Variants in PRDM5 observed in about 807,000 individuals in gnomAD.
PRDM5 encodes the protein PR/SET domain 5.
A neutral mutation model predicts 81.2 loss-of-function variants in PRDM5; 56 were observed. That is an observed-to-expected ratio of 0.69 (90% confidence interval 0.56 to 0.86). PRDM5 has a LOEUF of 0.86. PRDM5 is among the 40% of genes least tolerant of loss of function. The probability of loss-of-function intolerance (pLI) is 0.00; values close to 1 mark genes in which losing one functional copy is unlikely to be tolerated. For missense variants in PRDM5, 697 were observed against 770.1 expected (o/e 0.91, Z 1.12); for synonymous variants, 267 against 256.4 (o/e 1.04, Z -0.39).
At chr4:120,746,532 C>T (rs1578570774) in intron 14 of PRDM5, among the ~76,000 whole-genome samples, 1 of 134,236 alleles carries the variant, frequency 7.4e-6, no homozygotes, top group South Asian at 2.4e-4. Context: ...GCAACCTACT[C>T]ATCTGACAAA....
intron 8 of PRDM5, among the ~76,000 whole-genome samples, chr4:120,804,738 A>G (rs1346034496): frequency 1.3e-5 from 2 of 152,226 alleles, no homozygotes; most frequent in Admixed American, 6.5e-5. Flanking sequence ...AATGCCCACA[A>G]GAGAAAGCAG....
chr4:120,847,230 T>C (rs753656119), intron 3 of PRDM5, among the ~76,000 whole-genome samples: 1 of 152,156 alleles, frequency 6.6e-6, no homozygotes, highest in Non-Finnish European at 1.5e-5. Context: ...GGTTGGCCTG[T>C]GTGACTAATA....
intron 3 of PRDM5, among the ~76,000 whole-genome samples, chr4:120,852,329 A>G (rs987811938): frequency 1.3e-5 from 2 of 152,130 alleles, no homozygotes; most frequent in Non-Finnish European, 2.9e-5. Flanking sequence ...GTGTTTCTGT[A>G]AGGGTGTTTT....
intron 2 of PRDM5, among the ~76,000 whole-genome samples, chr4:120,874,546 ACT>A (rs1762153355): frequency 6.6e-6 from 1 of 152,128 alleles, no homozygotes; most frequent in Non-Finnish European, 1.5e-5. Context: ...CCTGAAAAAA[ACT>A]CTTAGTTCAC....
intron 14 of PRDM5, among the ~76,000 whole-genome samples, chr4:120,724,715 T>TA (rs1265164378): frequency 3.3e-5 from 5 of 151,954 alleles, no homozygotes; most frequent in African/African-American, 7.3e-5. Flanking sequence ...TATCTAATTC[T>TA]AAAAAAAACA....
At chr4:120,689,396 C>A (rs1232110475), downstream of PRDM5, among the ~76,000 whole-genome samples, 1 of 151,998 alleles carries the variant, frequency 6.6e-6, no homozygotes, top group Non-Finnish European at 1.5e-5. Flanking sequence ...TTGTACTTGA[C>A]CCTGCTTTAT....
chr4:120,693,510 T>C lies in PRDM5; in HGVS notation c.*1601A>G, dbSNP rs1734216368. The stretch of plus-strand genomic sequence containing the variant: ...AGATTCAAAATACTACATATAACTA[T>C]ACTTAAATATCTTCTAAACTATAAT... On this transcript the variant is annotated 3_prime_UTR_variant, in exon 16 of 16. Transcript: ENST00000264808. 1 of 152,150 alleles carries C rather than the reference T, an allele frequency of 6.6e-6. No homozygotes were observed. The highest frequency in any genetic ancestry group is 2.4e-5 in the African/African-American group (1 of 41,452). 9.4% of individuals were successfully genotyped at this position (152,150 alleles called of 1,614,324 possible).
At chr4:120,740,311 C>T (rs1263329785) in intron 14 of PRDM5, among the ~76,000 whole-genome samples, 1 of 152,152 alleles carries the variant, frequency 6.6e-6, no homozygotes, top group Non-Finnish European at 1.5e-5. Flanking sequence ...AAATTTTCTC[C>T]ATATTCATAA....
At chr4:120,848,542 C>A (rs943170217) in intron 3 of PRDM5, among the ~76,000 whole-genome samples, 1 of 152,124 alleles carries the variant, frequency 6.6e-6, no homozygotes, top group African/African-American at 2.4e-5. Flanking sequence ...CTTTCTCATA[C>A]AGTCACAGTA....
chr4:120,796,019 A>G (rs767864688), intron 10 of PRDM5, among the ~76,000 whole-genome samples: 3 of 152,196 alleles, frequency 2.0e-5, no homozygotes, highest in Non-Finnish European at 2.9e-5. Context: ...AATAACTCAA[A>G]TAAGTATAAT....
intron 13 of PRDM5, among the ~76,000 whole-genome samples, chr4:120,755,136 A>G (rs1284792927): frequency 6.6e-6 from 1 of 152,242 alleles, no homozygotes; most frequent in Admixed American, 6.5e-5. Flanking sequence ...TATGTTCAAA[A>G]GGACCATTGG....
Position 120,922,660 on chromosome 4 carries a change from G to A in PRDM5, c.-52C>T, listed in dbSNP as rs1261983604. 4 of 1,560,016 alleles carry A rather than the reference G, an allele frequency of 2.6e-6. No homozygotes were observed. Among genetic ancestry groups the A allele is most frequent in the Non-Finnish European group, 3.5e-6 (4 of 1,151,794 alleles). On this transcript the variant is annotated 5_prime_UTR_variant, in exon 1 of 16. Coordinates refer to ENST00000264808, the MANE Select transcript of PRDM5 (RefSeq NM_018699.4). ...CTCTCAACACCGGCGCTTAGCGCCC[G>A]GCAGGCGGCACATCGAAATTTGGGG...
At chr4:120,886,676 T>G (rs1490020462) in intron 2 of PRDM5, among the ~76,000 whole-genome samples, 1 of 152,218 alleles carries the variant, frequency 6.6e-6, no homozygotes, top group Non-Finnish European at 1.5e-5. Flanking sequence ...TTATTCAATA[T>G]GAATGATTTG....
In PRDM5 at chr4:120,853,947, C is replaced by T. The variant is rs1310184108; in HGVS notation, c.178-407G>A. Reference sequence around the variant, plus strand: ...CCAGTTGAGAGGGGTAGAACTGGAGCAATCATTTCAATTCCTCTCTGGACC... The same window carrying T: ...CCAGTTGAGAGGGGTAGAACTGGAGTAATCATTTCAATTCCTCTCTGGACC... On this transcript the variant is annotated intron_variant, in intron 2 of 15. Transcript: ENST00000264808. Among the ~76,000 whole-genome samples the T allele has an allele frequency of 2.6e-5, 4 of 152,148 alleles. No homozygotes were observed. In the East Asian group the frequency reaches 7.7e-4, roughly 29 times the overall value.
chr4:120,863,391 C>A (rs568680101), intron 2 of PRDM5, among the ~76,000 whole-genome samples: 1 of 151,894 alleles, frequency 6.6e-6, no homozygotes, highest in East Asian at 1.9e-4. Context: ...ATGAGTACAA[C>A]AATGGGCTGA....
chr4:120,706,557 G>T (rs529347429), intron 15 of PRDM5, among the ~76,000 whole-genome samples: 12 of 152,072 alleles, frequency 7.9e-5, no homozygotes, highest in African/African-American at 2.9e-4. Context: ...GAAAATATCT[G>T]CCTAGGGTTC....
At position 120,787,204 on chromosome 4, in the gene PRDM5, G is replaced by A. The variant is rs559863661; in HGVS notation, c.1189-2113C>T. On this transcript the variant is annotated intron_variant, in intron 10 of 15. Transcript: ENST00000264808. ...GGTGACCTATGAGATAAGATCTGAT[G>A]GATATGAAGGAGCAAGGGTGGGTAT... is the stretch of plus-strand genomic sequence containing the variant. 5.3e-5 allele frequency among the ~76,000 whole-genome samples: 8 copies of A among 152,232 alleles called. No homozygotes were observed. In the East Asian group the frequency reaches 1.5e-3, roughly 29 times the overall value.
chr4:120,906,589 T>C (rs1270483570), intron 2 of PRDM5, among the ~76,000 whole-genome samples: 1 of 152,178 alleles, frequency 6.6e-6, no homozygotes, highest in Non-Finnish European at 1.5e-5. Flanking sequence ...CTTTTTCTAA[T>C]GCCTAGAAAA....
intron 10 of PRDM5, among the ~76,000 whole-genome samples, chr4:120,789,311 C>A (rs890323072): frequency 6.6e-6 from 1 of 152,044 alleles, no homozygotes; most frequent in Admixed American, 6.5e-5. Context: ...CATTAATTAC[C>A]AGATTAATAC....
Sources: allele counts gnomAD v4.1 joint callset (sites outside exome capture counted in the v4.1 genomes callset), GRCh38; gene constraint gnomAD v4.1.1; transcripts MANE v1.5; gene names NCBI Gene and HGNC (gene_info 2026-07-23, HGNC 2026-07-21).